Variants in EPHB1 observed in about 807,000 individuals in gnomAD.
EPHB1 encodes EPH receptor B1.
In EPHB1, 30 loss-of-function variants were observed where a neutral mutation model predicts 94.4. That is an observed-to-expected ratio of 0.32 (90% CI 0.24 to 0.43). The LOEUF (loss-of-function observed/expected upper bound fraction) is 0.43, where lower values mean the gene tolerates loss of function less well. Among genes scored for constraint, EPHB1 ranks in the 20% least tolerant of loss-of-function variants. The pLI is 1.00. For missense variants in EPHB1, 1,055 were observed against 1,308.3 expected (o/e 0.81, Z 2.99); for synonymous variants, 522 against 489.1 (o/e 1.07, Z -0.89).
rs183381467 is a variant in EPHB1, at chr3:135,081,884, G to A, written c.806-24564G>A. ...CAGAATGCTCACCAATTTGCTGTGG[G>A]CAGAAAACACAGAGCTGCATAACTT... On this transcript the variant is annotated intron_variant, in intron 3 of 15. Coordinates refer to ENST00000398015, the MANE Select transcript of EPHB1 (RefSeq NM_004441.5). Among the ~76,000 whole-genome samples, 1,185 of 152,170 alleles carry A rather than the reference G, an allele frequency of 7.8e-3. 16 individuals are homozygous for A. Among genetic ancestry groups the A allele is most frequent in the African/African-American group, 0.025 (1,053 of 41,508 alleles).
At chr3:134,883,600 G>A (rs2037805524) in intron 1 of EPHB1, among the ~76,000 whole-genome samples, 1 of 152,204 alleles carries the variant, frequency 6.6e-6, no homozygotes, top group South Asian at 2.1e-4. Context: ...TTTTTTGAAG[G>A]AAGAGAGGGT....
intron 1 of EPHB1, among the ~76,000 whole-genome samples, chr3:134,814,174 G>A (rs2036225203): frequency 6.6e-6 from 1 of 152,192 alleles, no homozygotes; most frequent in Admixed American, 6.5e-5. Flanking sequence ...TGGAAGCATA[G>A]GAAACCTGAA....
intron 3 of EPHB1, among the ~76,000 whole-genome samples, chr3:134,985,939 G>A (rs1446182195): frequency 6.6e-6 from 1 of 152,046 alleles, no homozygotes; most frequent in Non-Finnish European, 1.5e-5. Context: ...GAGCCTGCTG[G>A]GAAAACCCTG....
Position 135,259,992 on chromosome 3 carries a change from A to G in EPHB1, c.*872A>G, listed in dbSNP as rs925873104. The stretch of plus-strand genomic sequence containing the variant: ...GTTGGTTTGGCTTTCTGGTTGGCCC[A>G]ATCGGCCTATTGGCTCAATGGGAAG... On this transcript the variant is annotated 3_prime_UTR_variant, in exon 16 of 16. Transcript: ENST00000398015. 4.3e-6 allele frequency: 1 copy of G among 232,360 alleles called. No homozygotes were observed. Among genetic ancestry groups the G allele is most frequent in the Non-Finnish European group, 8.5e-6 (1 of 117,308 alleles). 14.4% of individuals were successfully genotyped at this position (232,360 alleles called of 1,614,324 possible).
intron 3 of EPHB1, among the ~76,000 whole-genome samples, chr3:135,042,275 C>T (rs1329287954): frequency 6.6e-6 from 1 of 152,150 alleles, no homozygotes; most frequent in African/African-American, 2.4e-5. Flanking sequence ...TATCCTTAAT[C>T]TGTTCATGAG....
intron 6 of EPHB1, among the ~76,000 whole-genome samples, chr3:135,157,521 C>T (rs1228147698): frequency 6.6e-6 from 1 of 152,252 alleles, no homozygotes; most frequent in Non-Finnish European, 1.5e-5. Context: ...TTAACAGACA[C>T]ACATACACAG....
chr3:134,796,438 C>G (rs1355527778), intron 1 of EPHB1: 1 of 152,224 alleles, frequency 6.6e-6, no homozygotes, highest in African/African-American at 2.4e-5. Context: ...TCTCCACCAC[C>G]CCGGAGAGGA....
Position 135,141,145 on chromosome 3 carries a change from CTT to C in EPHB1, c.1297+8114_1297+8115del, listed in dbSNP as rs59743607. 9.9e-3 allele frequency among the ~76,000 whole-genome samples: 1,304 copies of C among 131,252 alleles called. 10 individuals carry two copies. The highest frequency in any genetic ancestry group is 0.029 in the African/African-American group (1,044 of 35,484). 86.1% of individuals were successfully genotyped at this position (131,252 alleles called of 152,430 possible). A position where few individuals can be genotyped will look rare whatever the true frequency, so the allele number is the denominator to read the frequency against. Reference sequence around the variant, plus strand: ...AAAGCGTGTGCGCTTCTTTCCTTTCCTTTTTTTTTTTTTTTTTTTCTCTTTTT... The same window carrying C: ...AAAGCGTGTGCGCTTCTTTCCTTTCCTTTTTTTTTTTTTTTTTCTCTTTTT... On this transcript the variant is annotated intron_variant, in intron 5 of 15. Coordinates refer to ENST00000398015, the MANE Select transcript of EPHB1 (RefSeq NM_004441.5).
At chr3:135,045,972 T>C (rs965969499) in intron 3 of EPHB1, among the ~76,000 whole-genome samples, 1 of 152,200 alleles carries the variant, frequency 6.6e-6, no homozygotes, top group African/African-American at 2.4e-5. Context: ...TTCAACTACA[T>C]ATGTATTTAA....
rs114669331 is a variant in EPHB1, at chr3:134,806,252, G to C, written c.58+10563G>C. Among the ~76,000 whole-genome samples, 197 of 152,262 alleles carry C rather than the reference G, an allele frequency of 1.3e-3. 2 individuals are homozygous for C. The highest frequency in any genetic ancestry group is 4.6e-3 in the African/African-American group (192 of 41,546). On this transcript the variant is annotated intron_variant, in intron 1 of 15. Coordinates refer to ENST00000398015, the MANE Select transcript of EPHB1 (RefSeq NM_004441.5). ...GCAGAAGTGTTTCTGCATAACTTTG[G>C]AGTGAAGTCATAGAAGGCAACACAG...
chr3:135,003,043 G>A (rs1436950644), intron 3 of EPHB1, among the ~76,000 whole-genome samples: 1 of 152,078 alleles, frequency 6.6e-6, no homozygotes, highest in African/African-American at 2.4e-5. Context: ...TCTTTTAATT[G>A]TGATGTTAGG....
At chr3:135,039,792 G>C (rs978728655) in intron 3 of EPHB1, among the ~76,000 whole-genome samples, 9 of 152,226 alleles carry the variant, frequency 5.9e-5, no homozygotes, top group African/African-American at 2.2e-4. Context: ...CGCAGCCCCG[G>C]TTCCCGCTCG....
At chr3:134,873,637 C>T (rs1317823688) in intron 1 of EPHB1, among the ~76,000 whole-genome samples, 2 of 152,208 alleles carry the variant, frequency 1.3e-5, no homozygotes, top group Non-Finnish European at 2.9e-5. Flanking sequence ...TAACTCCAAA[C>T]CCTGCTTGCT....
intron 3 of EPHB1, among the ~76,000 whole-genome samples, chr3:135,037,567 G>A (rs922937198): frequency 6.6e-6 from 1 of 152,166 alleles, no homozygotes; most frequent in African/African-American, 2.4e-5. Flanking sequence ...GAGAGTTTAG[G>A]TGACTTGCCT....
In EPHB1 at chr3:135,154,262, C is replaced by A; in HGVS notation, c.1408C>A (p.Arg470=). The A allele has an allele frequency of 6.2e-7, 1 of 1,613,922 alleles. No individual in the cohort carries two copies. Among genetic ancestry groups the A allele is most frequent in the Non-Finnish European group, 8.5e-7 (1 of 1,179,842 alleles). ...PNGIILDYEI[R]YYEKEHNEFN... is the part of the protein sequence containing the mutation. ...TGGCATCATCCTGGACTATGAGATC[C>A]GGTACTATGAGAAGGTGAGCCAGCT... is the stretch of plus-strand genomic sequence containing the variant. Residue 470 remains arginine, a synonymous_variant, in exon 6 of 16, where the codon CGG becomes AGG. Transcript: ENST00000398015.
chr3:134,920,924 T>C (rs2038671977), intron 1 of EPHB1, among the ~76,000 whole-genome samples: 1 of 151,436 alleles, frequency 6.6e-6, no homozygotes, highest in Non-Finnish European at 1.5e-5. Context: ...TCTGTCAGGT[T>C]TTTTTTTTGA....
rs892834640 is a variant in EPHB1, at chr3:135,136,774, C to T, written c.1297+3725C>T. ...GCTAGGCCATTTTAGCTGTCAAAAACTGTCCATCATCTTTGGTCAGGATTG... is the reference window on the plus strand; with the variant it reads ...GCTAGGCCATTTTAGCTGTCAAAAATTGTCCATCATCTTTGGTCAGGATTG... On this transcript the variant is annotated intron_variant, in intron 5 of 15. Transcript: ENST00000398015. 3.3e-5 allele frequency among the ~76,000 whole-genome samples: 5 copies of T among 152,226 alleles called. No homozygotes were observed. The East Asian group carries it at 5.8e-4, about 18-fold the overall frequency.
chr3:134,942,508 G>C (rs1008268594), intron 2 of EPHB1, among the ~76,000 whole-genome samples: 3 of 152,198 alleles, frequency 2.0e-5, no homozygotes, highest in African/African-American at 7.2e-5. Flanking sequence ...TAGTCATCTG[G>C]TACTGGGTGG....
chr3:135,050,631 G>A (rs182545896), intron 3 of EPHB1, among the ~76,000 whole-genome samples: 1 of 152,052 alleles, frequency 6.6e-6, no homozygotes, highest in Admixed American at 6.6e-5. Context: ...GGGCCTAATA[G>A]GAGGTGTTTT....
Sources: allele counts gnomAD v4.1 joint callset (sites outside exome capture counted in the v4.1 genomes callset), GRCh38; gene constraint gnomAD v4.1.1; transcripts MANE v1.5; gene names NCBI Gene and HGNC (gene_info 2026-07-23, HGNC 2026-07-21).